Variants in UHRF2 observed in about 807,000 individuals in gnomAD.
The protein encoded by UHRF2 is E3 ubiquitin-protein ligase UHRF2.
A neutral mutation model predicts 96.8 loss-of-function variants in UHRF2; 23 were observed. That is an observed-to-expected ratio of 0.24 (90% CI 0.17 to 0.34). UHRF2 has a LOEUF of 0.34. UHRF2 is among the 10% of genes least tolerant of loss of function. The pLI is 1.00. For synonymous variants in UHRF2, 385 were observed against 332.6 expected (o/e 1.16, Z -1.72); for missense variants, 685 against 981.5 (o/e 0.70, Z 4.04).
rs144683111 is a variant in UHRF2, at chr9:6,425,429, A to G, written c.384+4287A>G. ...TCCTGCTTCAGTCCTAGAATCAACC[A>G]TTTCTCCAAGGTTCCCTGTTTCCTT... On this transcript the variant is annotated intron_variant, in intron 2 of 15. Transcript: ENST00000276893. 2.0e-4 allele frequency among the ~76,000 whole-genome samples: 30 copies of G among 152,130 alleles called. No individual in the cohort carries two copies. In the Middle Eastern group the frequency reaches 0.01, roughly 52 times the overall value.
At chr9:6,489,230 C>T (rs1180354695) in intron 9 of UHRF2, among the ~76,000 whole-genome samples, 1 of 152,182 alleles carries the variant, frequency 6.6e-6, no homozygotes, top group Admixed American at 6.5e-5. Flanking sequence ...GAGATTGTGG[C>T]ATGTATCAAT....
chr9:6,470,411 C>CT (rs1823173543), intron 4 of UHRF2, among the ~76,000 whole-genome samples: 1 of 151,324 alleles, frequency 6.6e-6, no homozygotes, highest in East Asian at 1.9e-4. Flanking sequence ...ATGAAGATAC[C>CT]TGTCAAAAAT....
chr9:6,498,445 A>G (rs1587882200), intron 12 of UHRF2: 2 of 231,476 alleles, frequency 8.6e-6, no homozygotes, highest in Non-Finnish European at 8.3e-6. Context: ...AGGGAAAGGG[A>G]TTCATAAAAT....
At chr9:6,452,196 T>G (rs941938313) in intron 3 of UHRF2, among the ~76,000 whole-genome samples, 4 of 152,202 alleles carry the variant, frequency 2.6e-5, no homozygotes, top group African/African-American at 9.7e-5. Flanking sequence ...TCTTAAGGGT[T>G]TCTGTTATGG....
intron 15 of UHRF2, 148 bp downstream of exon 15, chr9:6,504,839 G>A (rs1816499534): frequency 5.7e-6 from 3 of 525,974 alleles, no homozygotes; most frequent in South Asian, 2.9e-5. Context: ...ACGTCTTGGT[G>A]GTAAATGCAT....
At chr9:6,413,954 T>G in intron 1 of UHRF2, 42 of 211,818 alleles carry the variant, frequency 2.0e-4, no homozygotes, top group East Asian at 2.9e-4. Flanking sequence ...GGTCCCTCGC[T>G]TCCCGCGCTC....
In UHRF2 at chr9:6,446,237, G is replaced by A. The variant is rs559802744; in HGVS notation, c.644+12064G>A. On this transcript the variant is annotated intron_variant, in intron 3 of 15. Transcript: ENST00000276893. Reference sequence around the variant, plus strand: ...TCAATCTTGCCTCACTGCAACCTCCGCCTCCCAGGTTCAAGCGATTCTCAT... The same window carrying A: ...TCAATCTTGCCTCACTGCAACCTCCACCTCCCAGGTTCAAGCGATTCTCAT... Among the ~76,000 whole-genome samples the A allele has an allele frequency of 1.3e-4, 19 of 151,116 alleles. No homozygotes were observed. In the South Asian group the frequency reaches 3.4e-3, roughly 27 times the overall value.
Position 6,497,210 on chromosome 9 carries a change from A to G in UHRF2, c.1617A>G (p.Leu539=). Residue 539 remains leucine (L), a synonymous_variant, in exon 11 of 16, where the codon CTA becomes CTG. Coordinates refer to ENST00000276893, the MANE Select transcript of UHRF2 (RefSeq NM_152896.3). ...TGTTGTTTTTTAGGGCATTGGCCCT[A>G]AACTGTGATGCTCCATTGGATGATA... ...TLTNMNRALA[L]NCDAPLDDKI... The G allele has an allele frequency of 1.2e-6, 2 of 1,613,818 alleles. No homozygotes were observed. Among genetic ancestry groups the G allele is most frequent in the South Asian group, 2.2e-5 (2 of 91,056 alleles).
chr9:6,434,417 G>T, intron 3 of UHRF2: 2 of 355,818 alleles, frequency 5.6e-6, no homozygotes, highest in African/African-American at 2.1e-5. Flanking sequence ...GGGTGTATGG[G>T]TTTCTGTTTG....
intron 3 of UHRF2, among the ~76,000 whole-genome samples, chr9:6,450,001 T>C (rs974693059): frequency 2.6e-5 from 4 of 152,220 alleles, no homozygotes; most frequent in African/African-American, 9.6e-5. Context: ...GTTTTTTGTT[T>C]GTTTTTTGAC....
At chr9:6,476,945 CT>C (rs1478159328) in intron 5 of UHRF2, among the ~76,000 whole-genome samples, 1 of 152,106 alleles carries the variant, frequency 6.6e-6, no homozygotes, top group Non-Finnish European at 1.5e-5. Flanking sequence ...TGGTTCCTTT[CT>C]TTTCATTAGA....
chr9:6,459,255 C>T (rs1822374376), intron 3 of UHRF2, among the ~76,000 whole-genome samples: 1 of 152,118 alleles, frequency 6.6e-6, no homozygotes, highest in African/African-American at 2.4e-5. Context: ...CTTTCTCTTT[C>T]AGGGAAAATG....
At chr9:6,490,156 A>G (rs1411170794) in intron 9 of UHRF2, among the ~76,000 whole-genome samples, 1 of 152,196 alleles carries the variant, frequency 6.6e-6, no homozygotes, top group African/African-American at 2.4e-5. Flanking sequence ...CTGGTCTCTG[A>G]CATTTGTTGT....
At position 6,420,963 on chromosome 9, in the gene UHRF2, A is replaced by G; in HGVS notation, c.205A>G (p.Ile69Val). 1 of 1,614,172 alleles carries G rather than the reference A, an allele frequency of 6.2e-7. No individual in the cohort carries two copies. The highest frequency in any genetic ancestry group is 1.3e-5 in the African/African-American group (1 of 75,048). ...TTATGATGTTGGACTGAATGATATA[A>G]TTCAGCTGCTAGTTCGCCCAGACCC... ...FDYDVGLNDI[I>V]QLLVRPDPDH... The change falls in exon 2 of 16, where the codon ATT (isoleucine) becomes GTT (valine). Residue 69 changes from isoleucine (I) to valine (V), a missense_variant. Coordinates refer to ENST00000276893, the MANE Select transcript of UHRF2 (RefSeq NM_152896.3).
rs558963443 is a variant in UHRF2 at position 6,430,326 on chromosome 9, CTTTGATGTGAATGAA to C, written c.385-3586_385-3572del. On this transcript the variant is annotated intron_variant, in intron 2 of 15. Coordinates refer to ENST00000276893, the MANE Select transcript of UHRF2 (RefSeq NM_152896.3). ...TGCCTGGCCCTTAATGTGGCTATATCTTTGATGTGAATGAATGCAGCTCTTAAGTGTAGAATTATG... is the reference window on the plus strand; with the variant it reads ...TGCCTGGCCCTTAATGTGGCTATATCTGCAGCTCTTAAGTGTAGAATTATG... Among the ~76,000 whole-genome samples the C allele has an allele frequency of 6.4e-3, 977 of 152,302 alleles. 12 individuals carry two copies. Among genetic ancestry groups the C allele is most frequent in the African/African-American group, 0.022 (931 of 41,578 alleles).
chr9:6,467,566 T>C (rs1822946548), intron 4 of UHRF2, among the ~76,000 whole-genome samples: 1 of 151,360 alleles, frequency 6.6e-6, no homozygotes, highest in South Asian at 2.1e-4. Flanking sequence ...AGATTTTCAG[T>C]ACGGTATTTC....
At chr9:6,467,544 A>T (rs1822944411) in intron 4 of UHRF2, among the ~76,000 whole-genome samples, 1 of 149,192 alleles carries the variant, frequency 6.7e-6, no homozygotes, top group Non-Finnish European at 1.5e-5. Context: ...TGTTCTAGGC[A>T]CTAGTTACAA....
At chr9:6,503,517 C>A (rs13283381) in intron 14 of UHRF2, among the ~76,000 whole-genome samples, 1 of 151,710 alleles carries the variant, frequency 6.6e-6, no homozygotes, top group Non-Finnish European at 1.5e-5. Context: ...TTATAATTTC[C>A]TCCTACTGTA....
intron 1 of UHRF2, among the ~76,000 whole-genome samples, chr9:6,420,532 C>G (rs1819869124): frequency 6.6e-6 from 1 of 151,356 alleles, no homozygotes; most frequent in African/African-American, 2.4e-5. Flanking sequence ...GAAACCCCGT[C>G]TCTACTAAAA....
Sources: gnomAD v4.1 joint callset for allele counts (sites outside exome capture counted in the v4.1 genomes callset) on GRCh38, gnomAD v4.1.1 for gene constraint, MANE v1.5 for transcripts, NCBI Gene and HGNC (gene_info 2026-07-23, HGNC 2026-07-21) for gene names.